The following PHLDB3 variants were observed in gnomAD, a reference collection of about 807,000 sequenced individuals.
PHLDB3 encodes the protein pleckstrin homology-like domain family B member 3.
Under a neutral mutation model 85.7 loss-of-function variants are expected in PHLDB3, and 86 were observed. The ratio of observed to expected loss-of-function variants is 1.00; its 90% CI spans 0.84 to 1.20. The LOEUF (loss-of-function observed/expected upper bound fraction) is 1.20, where lower values mean the gene tolerates loss of function less well. PHLDB3 is among the 50% of genes most tolerant of loss of function. The pLI is 0.00. For missense variants in PHLDB3, 995 were observed against 873.0 expected, an observed-to-expected ratio of 1.14 and a Z score of -1.76; for synonymous variants, 376 against 349.8, an observed-to-expected ratio of 1.07 and a Z score of -0.83.
intron 2 of PHLDB3, among the ~76,000 whole-genome samples, 155 bp downstream of exon 2, chr19:43,503,751 A>G (rs529301741): frequency 3.0e-4 from 45 of 151,140 alleles, no homozygotes; most frequent in African/African-American, 1.1e-3. Flanking sequence ...GTCCTGGTGT[A>G]TCTCTCTCTC....
chr19:43,502,614 CTTTT>C (rs71336869), intron 2 of PHLDB3, among the ~76,000 whole-genome samples: 10,436 of 114,730 alleles, frequency 0.091, 604 homozygotes, highest in East Asian at 0.33. Flanking sequence ...ACGCCAAGCT[CTTTT>C]TTTTTTTTTT....
intron 9 of PHLDB3, among the ~76,000 whole-genome samples, chr19:43,489,032 T>G (rs1375901248): frequency 1.3e-5 from 2 of 152,160 alleles, no homozygotes; most frequent in Non-Finnish European, 2.9e-5. Flanking sequence ...ACTCCTGACT[T>G]CAAGTGATCC....
chr19:43,504,224 C>T, intron 1 of PHLDB3, 92 bp from the exon 2 acceptor site: 1 of 1,181,000 alleles, frequency 8.5e-7, no homozygotes, highest in Non-Finnish European at 1.2e-6. Flanking sequence ...AGACCCCCCC[C>T]CAAGGAGGCG....
At chr19:43,498,925 G>A (rs1250480608) in intron 4 of PHLDB3, among the ~76,000 whole-genome samples, 1 of 152,282 alleles carries the variant, frequency 6.6e-6, no homozygotes, top group Middle Eastern at 3.4e-3. Flanking sequence ...GTGGTGGTGG[G>A]AAGAACGTGG....
At chr19:43,498,242 G>T (rs144873749) in intron 4 of PHLDB3, among the ~76,000 whole-genome samples, 3 of 152,186 alleles carry the variant, frequency 2.0e-5, no homozygotes. Context: ...GGGAGGCTGA[G>T]GTGGGAGGAT....
At chr19:43,500,923 C>CCCT (rs1555757872) in intron 4 of PHLDB3, among the ~76,000 whole-genome samples, 6 of 105,758 alleles carry the variant, frequency 5.7e-5, no homozygotes, top group African/African-American at 1.9e-4. Flanking sequence ...CCCCCCCACC[C>CCCT]CGCAAGTACT....
At chr19:43,495,221 G>C in intron 8 of PHLDB3, 35 bp downstream of exon 8, 1 of 1,591,310 alleles carries the variant, frequency 6.3e-7, no homozygotes, top group Non-Finnish European at 8.6e-7. Context: ...AAGTCTGAGG[G>C]AGGAGGGACT....
In PHLDB3 at chr19:43,495,497, G is replaced by T. The variant is rs780984769; in HGVS notation, c.949C>A (p.Gln317Lys). 1 of 1,606,184 alleles carries T rather than the reference G, an allele frequency of 6.2e-7. No homozygotes were observed. Among genetic ancestry groups the T allele is most frequent in the South Asian group, 1.1e-5 (1 of 89,668 alleles). Residue 317 changes from glutamine to lysine, a missense_variant and splice_region_variant, in exon 7 of 16, where the codon CAG becomes AAG. By Grantham distance (53) the Gln-to-Lys change is moderately conservative. Coordinates refer to ENST00000292140, the MANE Select transcript of PHLDB3 (RefSeq NM_198850.4). ...AGGGCAGGTGACAGGTAGCTCACCT[G>T]TGACAGGGCCTGAAGGGCCTCCTCC... ...KKEEALQALS[Q>K]ERSRLLELNC...
chr19:43,486,746 C>T, intron 11 of PHLDB3, 34 bp downstream of exon 11: 1 of 1,611,268 alleles, frequency 6.2e-7, no homozygotes, highest in East Asian at 2.2e-5. Flanking sequence ...TGGGCCTCTT[C>T]TTCCATCTCC....
chr19:43,481,447 T>C (rs1462245174), intron 13 of PHLDB3, among the ~76,000 whole-genome samples: 10 of 152,260 alleles, frequency 6.6e-5, no homozygotes, highest in Admixed American at 3.3e-4. Context: ...GGAGAAACCC[T>C]GTCTCTGCTG....
Position 43,475,206 on chromosome 19 carries a change from G to A in PHLDB3, c.*204C>T. On this transcript the variant is annotated 3_prime_UTR_variant, in exon 16 of 16. Transcript: ENST00000292140. The stretch of plus-strand genomic sequence containing the variant: ...TCCTGCCCCGGGCAGGGCCTTAGGG[G>A]CCGGCGATCCCGTCGGGGGCAAGGC... 4.7e-6 allele frequency: 3 copies of A among 635,240 alleles called. No individual in the cohort carries two copies. The highest frequency in any genetic ancestry group is 5.2e-6 in the Non-Finnish European group (2 of 381,890). The allele number at this position is 635,240 out of a possible 1,614,324, so 39.4% of individuals were successfully genotyped here.
Position 43,501,724 on chromosome 19 carries a change from C to A in PHLDB3, c.534+10G>T, listed in dbSNP as rs1035599310. 6 of 1,583,196 alleles carry A rather than the reference C, an allele frequency of 3.8e-6. No individual in the cohort carries two copies. The African/African-American group carries it at 8.1e-5, about 21-fold the overall frequency. On this transcript the variant is annotated intron_variant, in intron 4 of 15. Transcript: ENST00000292140. ...ACACTGCTGATGAAGACCCGGTGAG[C>A]CAAACAGACCTGTTCCCGCTGCTGG...
At chr19:43,475,583 A>G in intron 15 of PHLDB3, 39 bp from the exon 16 acceptor site, 2 of 1,612,318 alleles carry the variant, frequency 1.2e-6, no homozygotes, top group Non-Finnish European at 1.7e-6. Flanking sequence ...CAGACAAAAG[A>G]CACCGGCCAC....
chr19:43,497,305 G>C, intron 5 of PHLDB3, 26 bp from the exon 6 acceptor site: 1 of 1,396,914 alleles, frequency 7.2e-7, no homozygotes, highest in South Asian at 1.7e-5. Context: ...CAAAAAGGGT[G>C]GAGGCCTGAA....
At chr19:43,489,683 T>C (rs1482711735) in intron 9 of PHLDB3, among the ~76,000 whole-genome samples, 1 of 151,966 alleles carries the variant, frequency 6.6e-6, no homozygotes, top group East Asian at 1.9e-4. Flanking sequence ...AAAAAAAGTT[T>C]GTTTTTTTTT....
chr19:43,504,180 G>A lies in PHLDB3; in HGVS notation c.-14-48C>T, dbSNP rs1000762629. 4 of 1,475,728 alleles carry A rather than the reference G, an allele frequency of 2.7e-6. No homozygotes were observed. In the East Asian group the frequency reaches 9.9e-5, roughly 36 times the overall value. 91.4% of individuals were successfully genotyped at this position (1,475,728 alleles called of 1,614,324 possible). A position where few individuals can be genotyped will look rare whatever the true frequency, so the allele number is the denominator to read the frequency against. On this transcript the variant is annotated intron_variant, in intron 1 of 15. Transcript: ENST00000292140. The stretch of plus-strand genomic sequence containing the variant: ...AGCTCCGGGGGCGGGGCCTAGGACG[G>A]CTGAGCGCCGCTCGCGTCTGCTCCG...
Position 43,486,661 on chromosome 19 carries a change from T to A in PHLDB3, c.1376A>T (p.Glu459Val). Residue 459 changes from glutamate to valine, a missense_variant, in exon 12 of 16, where the codon GAG becomes GTG. Glu to Val is a moderately radical substitution (Grantham distance 121). Transcript: ENST00000292140. ...GAIHPDIAHM[E>V]RLLQQAMAER... ...CGCCATGGCCTGCTGCAGGAGCCGCTCCATGTGGGCAATGTCTGGATGGAT... is the reference window on the plus strand; with the variant it reads ...CGCCATGGCCTGCTGCAGGAGCCGCACCATGTGGGCAATGTCTGGATGGAT... 1 of 1,613,870 alleles carries A rather than the reference T, an allele frequency of 6.2e-7. No homozygotes were observed. The highest frequency in any genetic ancestry group is 8.5e-7 in the Non-Finnish European group (1 of 1,179,836).
At chr19:43,488,165 A>T (rs1172677083) in intron 9 of PHLDB3, among the ~76,000 whole-genome samples, 1 of 151,604 alleles carries the variant, frequency 6.6e-6, no homozygotes, top group Non-Finnish European at 1.5e-5. Context: ...AAAAAAAAAA[A>T]GTCCCACTGC....
At position 43,492,713 on chromosome 19, in the gene PHLDB3, G is replaced by A. The variant is rs140550474; in HGVS notation, c.1149+1989C>T. 4.6e-5 allele frequency among the ~76,000 whole-genome samples: 7 copies of A among 151,818 alleles called. No homozygotes were observed. In the East Asian group the frequency reaches 1.4e-3, roughly 29 times the overall value. On this transcript the variant is annotated intron_variant, in intron 9 of 15. Transcript: ENST00000292140. The stretch of plus-strand genomic sequence containing the variant: ...ATCCCAGCTCTGCCACATACTAGCT[G>A]GTTAAACAACTTAACCTCTCTTGGT...
Sources: allele counts gnomAD v4.1 joint callset (sites outside exome capture counted in the v4.1 genomes callset), GRCh38; gene constraint gnomAD v4.1.1; transcripts MANE v1.5; gene names NCBI Gene and HGNC (gene_info 2026-07-23, HGNC 2026-07-21).